MRPS9: variants seen among roughly 807,000 people sequenced by gnomAD.
MRPS9 encodes the protein mitochondrial ribosomal protein S9.
MRPS9 carries 45 observed loss-of-function variants against 59.9 expected under a neutral mutation model. That is an observed-to-expected ratio of 0.75 (90% confidence interval 0.59 to 0.96). The LOEUF (loss-of-function observed/expected upper bound fraction) is 0.96, where lower values mean the gene tolerates loss of function less well. MRPS9 is among the 40% of genes least tolerant of loss of function. The pLI is 0.00. For missense variants in MRPS9, 473 were observed against 481.1 expected, an observed-to-expected ratio of 0.98 and a Z score of 0.16; for synonymous variants, 171 against 166.8, an observed-to-expected ratio of 1.03 and a Z score of -0.19.
chr2:105,069,965 T>C (rs1244526689), intron 2 of MRPS9, among the ~76,000 whole-genome samples: 1 of 151,998 alleles, frequency 6.6e-6, no homozygotes, highest in Non-Finnish European at 1.5e-5. Context: ...GTGAGCATGA[T>C]TGTGTCACTG....
chr2:105,087,903 G>C (rs1234029520), intron 5 of MRPS9, among the ~76,000 whole-genome samples: 1 of 151,574 alleles, frequency 6.6e-6, no homozygotes, highest in African/African-American at 2.4e-5. Context: ...TGTGATGACA[G>C]TGGCAAAGGG....
chr2:105,096,734 T>TTAA (rs1381487638), intron 9 of MRPS9, among the ~76,000 whole-genome samples: 1 of 150,930 alleles, frequency 6.6e-6, no homozygotes, highest in African/African-American at 2.5e-5. Context: ...TAGACTTTAT[T>TTAA]TAGTGAATCC....
intron 1 of MRPS9, among the ~76,000 whole-genome samples, chr2:105,040,012 C>G (rs540174640): frequency 5.3e-5 from 8 of 152,162 alleles, no homozygotes; most frequent in Non-Finnish European, 8.8e-5. Flanking sequence ...AAGGGATGGT[C>G]CTGAAATGGC....
intron 4 of MRPS9, among the ~76,000 whole-genome samples, chr2:105,079,088 A>T (rs537044266): frequency 6.6e-6 from 1 of 152,174 alleles, no homozygotes; most frequent in Non-Finnish European, 1.5e-5. Flanking sequence ...CCTTCATGGG[A>T]TGAATCATGA....
rs1679422256 is a variant in MRPS9 at position 105,038,136 on chromosome 2, G to C, written c.44G>C (p.Arg15Pro). The change falls in exon 1 of 11, where the codon CGG becomes CCG. Residue 15 changes from arginine to proline, a missense_variant. Arg to Pro is a moderately radical substitution (Grantham distance 103, BLOSUM62 -2). Coordinates refer to ENST00000258455, the MANE Select transcript of MRPS9 (RefSeq NM_182640.3). ...TCCTACGGCGGAGCAGTTTCGTACC[G>C]GCTTCTTCTCTGGGGTAGGGGTAGC... ...CVSYGGAVSY[R>P]LLLWGRGSLA... is the part of the protein sequence containing the mutation. 6 of 1,613,720 alleles carry C rather than the reference G, an allele frequency of 3.7e-6. No individual in the cohort carries two copies. Among genetic ancestry groups the C allele is most frequent in the Admixed American group, 1.7e-5 (1 of 59,974 alleles).
At chr2:105,074,755 A>T (rs1680174914) in intron 4 of MRPS9, among the ~76,000 whole-genome samples, 1 of 152,170 alleles carries the variant, frequency 6.6e-6, no homozygotes, top group Non-Finnish European at 1.5e-5. Flanking sequence ...ACTCTCAGAC[A>T]TGTAGTTGAA....
At chr2:105,052,318 T>A (rs1177734039) in intron 2 of MRPS9, among the ~76,000 whole-genome samples, 1 of 152,208 alleles carries the variant, frequency 6.6e-6, no homozygotes, top group Admixed American at 6.5e-5. Context: ...TGAACTTTTT[T>A]GTTGTTGTGG....
At chr2:105,088,218 T>C (rs546631370) in intron 5 of MRPS9, among the ~76,000 whole-genome samples, 1 of 152,296 alleles carries the variant, frequency 6.6e-6, no homozygotes, top group East Asian at 1.9e-4. Flanking sequence ...TATAAATGAA[T>C]AAATACAAAT....
chr2:105,082,890 A>G (rs1035519576), intron 5 of MRPS9, among the ~76,000 whole-genome samples: 1 of 152,234 alleles, frequency 6.6e-6, no homozygotes, highest in African/African-American at 2.4e-5. Flanking sequence ...AGATGTATGT[A>G]TATAATGAAA....
At chr2:105,042,370 A>G (rs980013889) in intron 1 of MRPS9, among the ~76,000 whole-genome samples, 4 of 152,240 alleles carry the variant, frequency 2.6e-5, no homozygotes, top group African/African-American at 7.2e-5. Context: ...CTCCTGCCAC[A>G]TGGGCCTCTA....
intron 1 of MRPS9, among the ~76,000 whole-genome samples, chr2:105,039,855 T>A (rs12712195): frequency 0.46 from 70,329 of 152,058 alleles, 16,460 homozygotes; most frequent in East Asian, 0.66. Context: ...CCTGTTACTT[T>A]AATTTTCATC....
At chr2:105,068,087 A>G (rs1356915051) in intron 2 of MRPS9, among the ~76,000 whole-genome samples, 1 of 152,192 alleles carries the variant, frequency 6.6e-6, no homozygotes, top group Non-Finnish European at 1.5e-5. Context: ...CCTTACACCT[A>G]GAATCAGCCA....
chr2:105,052,770 G>T (rs56091924), intron 2 of MRPS9, among the ~76,000 whole-genome samples: 31,400 of 151,936 alleles, frequency 0.21, 3,290 homozygotes, highest in Middle Eastern at 0.34. Context: ...AGTTGTTGTT[G>T]TTGGGTTTTT....
At chr2:105,046,139 T>C (rs1679588191) in intron 1 of MRPS9, among the ~76,000 whole-genome samples, 1 of 152,054 alleles carries the variant, frequency 6.6e-6, no homozygotes, top group South Asian at 2.1e-4. Context: ...GTGCTAGAAT[T>C]ACAGGCGTGA....
At chr2:105,084,483 G>A (rs1036729319) in intron 5 of MRPS9, among the ~76,000 whole-genome samples, 22 of 152,072 alleles carry the variant, frequency 1.4e-4, no homozygotes, top group African/African-American at 5.1e-4. Flanking sequence ...GCTTCATTAT[G>A]TGAAGATTCC....
In MRPS9 at chr2:105,038,289, G is replaced by A. The variant is rs1473073225; in HGVS notation, c.135+62G>A. On this transcript the variant is annotated intron_variant, in intron 1 of 10. Coordinates refer to ENST00000258455, the MANE Select transcript of MRPS9 (RefSeq NM_182640.3). ...CCGCGCGAGGATGTGGAGCCAGCGC[G>A]GACACCTTCCCCCAGCGTCTCGCGT... 3.2e-6 allele frequency: 5 copies of A among 1,567,304 alleles called. No individual in the cohort carries two copies. In the African/African-American group the frequency reaches 6.8e-5, roughly 21 times the overall value.
At chr2:105,085,929 C>T (rs76369761) in intron 5 of MRPS9, among the ~76,000 whole-genome samples, 6,006 of 152,132 alleles carry the variant, frequency 0.039, 425 homozygotes, top group African/African-American at 0.14. Flanking sequence ...ATATTTTATA[C>T]CCTTAAGGAT....
chr2:105,097,591 A>G (rs1680694228), intron 10 of MRPS9, among the ~76,000 whole-genome samples: 1 of 152,214 alleles, frequency 6.6e-6, no homozygotes, highest in Non-Finnish European at 1.5e-5. Context: ...GTCAGGGAAA[A>G]GTTAATTTTG....
At chr2:105,052,689 G>T (rs902537266) in intron 2 of MRPS9, among the ~76,000 whole-genome samples, 1 of 152,162 alleles carries the variant, frequency 6.6e-6, no homozygotes, top group Non-Finnish European at 1.5e-5. Flanking sequence ...TCAAGAATTT[G>T]TATTAATTCC....
Sources: gnomAD v4.1 joint callset for allele counts (sites outside exome capture counted in the v4.1 genomes callset) on GRCh38, gnomAD v4.1.1 for gene constraint, MANE v1.5 for transcripts, NCBI Gene and HGNC (gene_info 2026-07-23, HGNC 2026-07-21) for gene names.